Variants in POM121C observed in about 807,000 individuals in gnomAD.
POM121C encodes nuclear envelope pore membrane protein POM 121C.
Under a neutral mutation model 66.4 loss-of-function variants are expected in POM121C, and 20 were observed. That is an observed-to-expected ratio of 0.30 (90% CI 0.21 to 0.44). The LOEUF (loss-of-function observed/expected upper bound fraction) is 0.44, where lower values mean the gene tolerates loss of function less well. Among genes scored for constraint, POM121C ranks in the 20% least tolerant of loss-of-function variants. The pLI is 1.00. For missense variants in POM121C, 580 were observed against 1,225.7 expected, an observed-to-expected ratio of 0.47 and a Z score of 7.87; for synonymous variants, 286 against 528.0, an observed-to-expected ratio of 0.54 and a Z score of 6.28.
In POM121C at chr7:75,485,900, CGA is replaced by C. The variant is rs61468594; in HGVS notation, c.-496_-495del. The C allele has an allele frequency of 0.03, 15,381 of 505,630 alleles. 1,827 individuals carry two copies. The highest frequency in any genetic ancestry group is 0.26 in the African/African-American group (13,524 of 51,790). 31.3% of individuals were successfully genotyped at this position (505,630 alleles called of 1,614,324 possible). ...TCCGCAGCCTCTGCCCCACGGCTCC[CGA>C]GAGGCCGGGGCGGGCTGCTGTCGCT... On this transcript the variant is annotated 5_prime_UTR_variant, in exon 1 of 15. Coordinates refer to ENST00000615331, the MANE Select transcript of POM121C (RefSeq NM_001099415.3).
rs587664215 is a variant in POM121C at position 75,474,956 on chromosome 7, G to C, written c.-330-74C>G. 1.7e-4 allele frequency: 220 copies of C among 1,270,046 alleles called. No homozygotes were observed. In the African/African-American group the frequency reaches 1.7e-3, roughly 10 times the overall value. The allele number at this position is 1,270,046 out of a possible 1,614,324, so 78.7% of individuals were successfully genotyped here. A position where few individuals can be genotyped will look rare whatever the true frequency, so the allele number is the denominator to read the frequency against. ...TTCAATGAAGAATAATATAAACACT[G>C]CAGCTAGTGCCCACAAGGAATTAAA... On this transcript the variant is annotated intron_variant, in intron 2 of 14. Transcript: ENST00000615331.
At chr7:75,448,791 ACT>A (rs1554475215) in intron 3 of POM121C, among the ~76,000 whole-genome samples, 1 of 150,804 alleles carries the variant, frequency 6.6e-6, no homozygotes, top group Non-Finnish European at 1.5e-5. Context: ...CAAGAGTGAA[ACT>A]CTGTCTCAAA....
chr7:75,457,079 G>A (rs1255352897), intron 3 of POM121C, among the ~76,000 whole-genome samples: 1 of 150,046 alleles, frequency 6.7e-6, no homozygotes, highest in Non-Finnish European at 1.5e-5. Context: ...CCCAGGAGGT[G>A]GAGACTGTAT....
At chr7:75,481,764 T>C (rs1428879473) in intron 1 of POM121C, among the ~76,000 whole-genome samples, 2 of 152,092 alleles carry the variant, frequency 1.3e-5, no homozygotes, top group Non-Finnish European at 2.9e-5. Flanking sequence ...AGTTTGAGGC[T>C]GCAGTGAGCC....
intron 3 of POM121C, among the ~76,000 whole-genome samples, chr7:75,451,050 C>T (rs1390888504): frequency 3.3e-5 from 5 of 152,176 alleles, no homozygotes; most frequent in Non-Finnish European, 7.3e-5. Context: ...AATGGAAACA[C>T]ATTCCATGCT....
At chr7:75,446,995 G>A (rs1247321588) in intron 3 of POM121C, among the ~76,000 whole-genome samples, 101 of 105,514 alleles carry the variant, frequency 9.6e-4, no homozygotes, top group African/African-American at 3.6e-3. Flanking sequence ...GCAACAGAGC[G>A]AGACTCCGTC....
At chr7:75,433,233 T>TAAA (rs1790253884) in intron 7 of POM121C, among the ~76,000 whole-genome samples, 1 of 11,026 alleles carries the variant, frequency 9.1e-5, no homozygotes, top group Non-Finnish European at 1.8e-4. Flanking sequence ...AGACTCTGTC[T>TAAA]CAAAAAAAAA....
intron 3 of POM121C, among the ~76,000 whole-genome samples, chr7:75,452,000 C>T (rs1305644639): frequency 2.7e-5 from 4 of 148,818 alleles, no homozygotes; most frequent in Non-Finnish European, 4.5e-5. Flanking sequence ...AATTACTCTA[C>T]TAAAAATATA....
intron 13 of POM121C, 157 bp downstream of exon 13, chr7:75,421,352 G>T (rs1275337432): frequency 6.8e-7 from 1 of 1,475,974 alleles, no homozygotes; most frequent in African/African-American, 1.4e-5. Context: ...TCATTACTAC[G>T]TTAGCAAAAC....
At chr7:75,436,695 A>G in intron 7 of POM121C, among the ~76,000 whole-genome samples, 1 of 152,148 alleles carries the variant, frequency 6.6e-6, no homozygotes, top group East Asian at 1.9e-4. Flanking sequence ...TATTACCCTC[A>G]ATCATTGCAA....
At chr7:75,468,126 T>TAAAA (rs368723160) in intron 3 of POM121C, among the ~76,000 whole-genome samples, 362 of 64,020 alleles carry the variant, frequency 5.7e-3, no homozygotes, top group East Asian at 0.014. Context: ...AGACTCTGTC[T>TAAAA]AAAAAAAAAA....
Position 75,422,181 on chromosome 7 carries a change from C to A in POM121C, c.2071G>T (p.Ala691Ser). 1 of 1,608,472 alleles carries A rather than the reference C, an allele frequency of 6.2e-7. No homozygotes were observed. The highest frequency in any genetic ancestry group is 1.1e-5 in the South Asian group (1 of 90,750). Residue 691 changes from alanine (A) to serine (S), a missense_variant, in exon 13 of 15, where the codon GCC becomes TCC. Ala to Ser is a moderately conservative substitution (Grantham distance 99, BLOSUM62 1). Transcript: ENST00000615331. ...PTFNIPFGSSAKSPLPSYPGA... is the reference protein window; with the variant it reads ...PTFNIPFGSSSKSPLPSYPGA... Reference sequence around the variant, plus strand: ...GGATATGATGGGAGCGGGGACTTGGCGCTTGAGCCAAAGGGAATGTTGAAC... The same window carrying A: ...GGATATGATGGGAGCGGGGACTTGGAGCTTGAGCCAAAGGGAATGTTGAAC...
chr7:75,421,240 T>C, intron 13 of POM121C: 3 of 1,036,684 alleles, frequency 2.9e-6, no homozygotes, highest in Non-Finnish European at 4.0e-6. Context: ...CCTCCCAAAA[T>C]ATTGGGATTA....
intron 3 of POM121C, among the ~76,000 whole-genome samples, chr7:75,446,511 T>G: frequency 3.7e-5 from 5 of 134,264 alleles, no homozygotes; most frequent in South Asian, 2.6e-4. Flanking sequence ...GAGATGGGGG[T>G]CGCCACAAAT....
intron 14 of POM121C, 65 bp from the exon 15 acceptor site, chr7:75,418,958 A>C (rs1314522872): frequency 2.6e-6 from 4 of 1,513,458 alleles, no homozygotes; most frequent in Non-Finnish European, 3.5e-6. Flanking sequence ...CTGGGTGCCC[A>C]AATCTCTGGA....
chr7:75,485,399 G>A (rs1185072961), intron 1 of POM121C, among the ~76,000 whole-genome samples: 15 of 152,086 alleles, frequency 9.9e-5, no homozygotes, highest in Admixed American at 3.3e-4. Context: ...CCGGTGACCT[G>A]GTCAAGTCAC....
chr7:75,449,825 G>A (rs1790960822), intron 3 of POM121C, among the ~76,000 whole-genome samples: 1 of 152,036 alleles, frequency 6.6e-6, no homozygotes, highest in South Asian at 2.1e-4. Context: ...AGACCAGCCT[G>A]GCCAACATGG....
chr7:75,473,783 T>G (rs1584713484), intron 3 of POM121C, among the ~76,000 whole-genome samples: 1 of 151,232 alleles, frequency 6.6e-6, no homozygotes, highest in African/African-American at 2.4e-5. Context: ...CCGCCTCCCG[T>G]GTTCACGCCA....
At chr7:75,439,023 A>C in intron 6 of POM121C, 121 bp downstream of exon 6, 1 of 1,094,344 alleles carries the variant, frequency 9.1e-7, no homozygotes, top group Non-Finnish European at 1.3e-6. Context: ...CTAATTTCAA[A>C]GACATGAACC....
Sources: allele counts gnomAD v4.1 joint callset (sites outside exome capture counted in the v4.1 genomes callset), GRCh38; gene constraint gnomAD v4.1.1; transcripts MANE v1.5; gene names NCBI Gene and HGNC (gene_info 2026-07-23, HGNC 2026-07-21).